Variants in FLVCR2 observed in about 807,000 individuals in gnomAD.
FLVCR2 encodes the protein choline/ethanolamine transporter FLVCR2.
In FLVCR2, 38 loss-of-function variants were observed where a neutral mutation model predicts 48.9. That is an observed-to-expected ratio of 0.78 (90% confidence interval 0.60 to 1.02). The LOEUF is 1.02. FLVCR2 is among the 50% of genes least tolerant of loss of function. The pLI is 0.00. For missense variants in FLVCR2, 664 were observed against 663.3 expected (o/e 1.00, Z -0.01); for synonymous variants, 255 against 257.0 (o/e 0.99, Z 0.07).
intron 1 of FLVCR2, among the ~76,000 whole-genome samples, chr14:75,620,644 G>T (rs548232417): frequency 2.0e-5 from 3 of 152,204 alleles, no homozygotes. Flanking sequence ...ATACCTCTTG[G>T]TACTTTCTAA....
In FLVCR2 at chr14:75,634,446, T is replaced by C. The variant is rs74942447; in HGVS notation, c.1021-464T>C. Among the ~76,000 whole-genome samples the C allele has an allele frequency of 4.6e-4, 70 of 152,290 alleles. 1 individual carries two copies. In the East Asian group the frequency reaches 0.012, roughly 26 times the overall value. On this transcript the variant is annotated intron_variant, in intron 4 of 9. Transcript: ENST00000238667. ...GTAAATGAGATAATGATATAAAACCTTAGGCATGGTGCCTGGCTTATAGTA... is the reference window on the plus strand; with the variant it reads ...GTAAATGAGATAATGATATAAAACCCTAGGCATGGTGCCTGGCTTATAGTA...
intron 2 of FLVCR2, 32 bp from the exon 3 acceptor site, chr14:75,624,580 A>G (rs200074985): frequency 8.1e-6 from 13 of 1,613,774 alleles, no homozygotes; most frequent in Admixed American, 3.3e-5. Context: ...GACCATGGGA[A>G]TTTTCAGCCA....
intron 1 of FLVCR2, among the ~76,000 whole-genome samples, chr14:75,600,283 G>T (rs117305932): frequency 0.015 from 2,211 of 152,226 alleles, 26 homozygotes; most frequent in Non-Finnish European, 0.021. Context: ...AAAAAGGAAA[G>T]AAACCCTTAG....
intron 1 of FLVCR2, among the ~76,000 whole-genome samples, chr14:75,602,105 G>T (rs1400713755): frequency 1.3e-5 from 2 of 152,230 alleles, no homozygotes; most frequent in African/African-American, 4.8e-5. Flanking sequence ...TTGGGATGGG[G>T]ATTGTGGAGC....
rs745344585 is a variant in FLVCR2 at position 75,579,645 on chromosome 14, G to A, written c.669+4G>A. 16 of 1,613,952 alleles carry A rather than the reference G, an allele frequency of 9.9e-6. No homozygotes were observed. In the African/African-American group the frequency reaches 1.1e-4, roughly 11 times the overall value. The stretch of plus-strand genomic sequence containing the variant: ...CGTGGCTGTCTTTGGCAATCAGGTA[G>A]GTAGAACAGTTTGTGAATGTTCCCA... On this transcript the variant is annotated splice_donor_region_variant and intron_variant, in intron 1 of 9. Transcript: ENST00000238667.
intron 5 of FLVCR2, among the ~76,000 whole-genome samples, chr14:75,637,334 G>A (rs566578408): frequency 6.6e-6 from 1 of 152,326 alleles, no homozygotes; most frequent in East Asian, 1.9e-4. Context: ...ACAGAATCTG[G>A]CACTCAAGAG....
chr14:75,593,451 G>A (rs78513354), intron 1 of FLVCR2, among the ~76,000 whole-genome samples: 2,369 of 152,294 alleles, frequency 0.016, 16 homozygotes, highest in Middle Eastern at 0.037. Flanking sequence ...AAGTGGACAC[G>A]TGCAAAGAGG....
At chr14:75,594,698 C>A (rs1310417359) in intron 1 of FLVCR2, among the ~76,000 whole-genome samples, 1 of 151,780 alleles carries the variant, frequency 6.6e-6, no homozygotes, top group Non-Finnish European at 1.5e-5. Context: ...AATGAGTCCA[C>A]TCCTGTAATA....
intron 9 of FLVCR2, among the ~76,000 whole-genome samples, chr14:75,645,131 A>G (rs2140057870): frequency 6.6e-6 from 1 of 151,808 alleles, no homozygotes; most frequent in East Asian, 1.9e-4. Flanking sequence ...TTCCTGAATG[A>G]TGGCTCCTCA....
intron 1 of FLVCR2, among the ~76,000 whole-genome samples, chr14:75,581,912 G>A (rs1040037495): frequency 6.6e-6 from 1 of 152,222 alleles, no homozygotes; most frequent in African/African-American, 2.4e-5. Flanking sequence ...AAGAGGTTAT[G>A]AAATGACAAC....
chr14:75,621,244 C>T (rs892386798), intron 1 of FLVCR2, among the ~76,000 whole-genome samples: 5 of 151,936 alleles, frequency 3.3e-5, no homozygotes, highest in African/African-American at 1.2e-4. Context: ...AAACCCGTCT[C>T]TACTAAAAAT....
Sources: allele counts gnomAD v4.1 joint callset (sites outside exome capture counted in the v4.1 genomes callset), GRCh38; gene constraint gnomAD v4.1.1; transcripts MANE v1.5; gene names NCBI Gene and HGNC (gene_info 2026-07-23, HGNC 2026-07-21).